CSMD1: variants seen among roughly 807,000 people sequenced by gnomAD.
CSMD1 encodes the protein CUB and Sushi multiple domains 1.
A neutral mutation model predicts 417.5 loss-of-function variants in CSMD1; 213 were observed. The ratio of observed to expected loss-of-function variants is 0.51; its 90% CI spans 0.46 to 0.57. CSMD1 has a LOEUF of 0.57. Among genes scored for constraint, CSMD1 ranks in the 20% least tolerant of loss-of-function variants. The pLI is 0.00. For missense variants in CSMD1, 6,923 were observed against 4,529.7 expected (o/e 1.53, Z -15.17); for synonymous variants, 2,862 against 1,736.8 (o/e 1.65, Z -16.11).
intron 7 of CSMD1, among the ~76,000 whole-genome samples, chr8:3,638,482 G>C (rs1218357248): frequency 6.6e-6 from 1 of 152,006 alleles, no homozygotes; most frequent in African/African-American, 2.4e-5. Context: ...GAAACCTGGA[G>C]ACGTGATGAT....
intron 1 of CSMD1, among the ~76,000 whole-genome samples, chr8:4,992,186 A>G (rs1045404355): frequency 1.3e-5 from 2 of 152,042 alleles, no homozygotes; most frequent in African/African-American, 4.8e-5. Flanking sequence ...AGAATCATCC[A>G]GAGCAGCCCC....
At chr8:4,162,503 T>A (rs55639812) in intron 3 of CSMD1, among the ~76,000 whole-genome samples, 57,929 of 152,060 alleles carry the variant, frequency 0.38, 11,280 homozygotes, top group Middle Eastern at 0.5. Flanking sequence ...TTGATCCTCA[T>A]AAATCTAACT....
At chr8:4,787,467 G>A (rs2117216801) in intron 1 of CSMD1, 1 of 812,346 alleles carries the variant, frequency 1.2e-6, no homozygotes, top group Non-Finnish European at 2.1e-6. Flanking sequence ...CACCTGGAAG[G>A]AAAAGCTGCA....
intron 7 of CSMD1, among the ~76,000 whole-genome samples, chr8:3,656,579 C>T (rs1798121951): frequency 6.6e-6 from 1 of 152,142 alleles, no homozygotes; most frequent in South Asian, 2.1e-4. Context: ...GAGGAGTTTT[C>T]TTACGAAGCC....
At chr8:4,198,762 G>T (rs1265527017) in intron 3 of CSMD1, among the ~76,000 whole-genome samples, 1 of 151,934 alleles carries the variant, frequency 6.6e-6, no homozygotes, top group Non-Finnish European at 1.5e-5. Context: ...TGTGAATTTT[G>T]AAATACTATT....
At chr8:3,920,882 T>A (rs60906250) in intron 5 of CSMD1, among the ~76,000 whole-genome samples, 3 of 152,176 alleles carry the variant, frequency 2.0e-5, no homozygotes, top group African/African-American at 7.2e-5. Context: ...GCTAGTGTTT[T>A]GTTGAGAATT....
At chr8:3,960,337 G>A (rs932228111) in intron 5 of CSMD1, among the ~76,000 whole-genome samples, 2 of 152,116 alleles carry the variant, frequency 1.3e-5, no homozygotes, top group African/African-American at 4.8e-5. Context: ...CTTTCCAAAT[G>A]TAATTGACAC....
At chr8:4,288,616 C>A (rs940261418) in intron 3 of CSMD1, among the ~76,000 whole-genome samples, 6 of 152,164 alleles carry the variant, frequency 3.9e-5, no homozygotes, top group Non-Finnish European at 7.3e-5. Context: ...CCACTGGGTT[C>A]AAGGTGAAGG....
intron 1 of CSMD1, among the ~76,000 whole-genome samples, chr8:4,967,866 G>A (rs1474234235): frequency 2.0e-5 from 3 of 152,154 alleles, no homozygotes; most frequent in Admixed American, 6.6e-5. Flanking sequence ...CAAGTCAAAG[G>A]ATGTGCTGAC....
chr8:3,500,050 C>T (rs1019185548), intron 10 of CSMD1, among the ~76,000 whole-genome samples: 1 of 152,012 alleles, frequency 6.6e-6, no homozygotes, highest in African/African-American at 2.4e-5. Flanking sequence ...GGGAGTGTGA[C>T]CTGCTGGGGA....
chr8:4,620,667 GA>G (rs1490155116), intron 2 of CSMD1, among the ~76,000 whole-genome samples: 1 of 151,680 alleles, frequency 6.6e-6, no homozygotes, highest in African/African-American at 2.4e-5. Context: ...TGCATAGGAC[GA>G]AGATAAAATC....
chr8:4,718,856 G>A (rs1808857832), intron 1 of CSMD1, among the ~76,000 whole-genome samples: 1 of 151,876 alleles, frequency 6.6e-6, no homozygotes, highest in East Asian at 1.9e-4. Flanking sequence ...TCCCTAAAAA[G>A]TACCAAAATG....
At chr8:3,420,176 A>C (rs1223843699) in intron 12 of CSMD1, among the ~76,000 whole-genome samples, 1 of 152,208 alleles carries the variant, frequency 6.6e-6, no homozygotes, top group Non-Finnish European at 1.5e-5. Flanking sequence ...TATTTGATAA[A>C]AGTCCTTAAA....
rs562304738 is a variant in CSMD1 at position 3,374,646 on chromosome 8, T to C, written c.2783-5276A>G. On this transcript the variant is annotated intron_variant, in intron 18 of 69. Transcript: ENST00000635120. ...AGGATGGTGAGTATGGAGTAAGTGA[T>C]ACAAGGTCGGAGGAAATGCAGAAGA... is the stretch of plus-strand genomic sequence containing the variant. Among the ~76,000 whole-genome samples the C allele has an allele frequency of 9.2e-5, 14 of 152,234 alleles. No individual in the cohort carries two copies. The South Asian group carries it at 1.7e-3, about 18-fold the overall frequency.
chr8:3,485,026 C>T (rs766969200), intron 11 of CSMD1, among the ~76,000 whole-genome samples: 2 of 152,162 alleles, frequency 1.3e-5, no homozygotes, highest in Admixed American at 6.5e-5. Context: ...ACTAAACATA[C>T]AACCAACATA....
At chr8:3,622,034 T>C (rs1265568595) in intron 7 of CSMD1, among the ~76,000 whole-genome samples, 1 of 151,866 alleles carries the variant, frequency 6.6e-6, no homozygotes, top group African/African-American at 2.4e-5. Flanking sequence ...TAGGTCTGTA[T>C]TTCTAACATT....
intron 3 of CSMD1, among the ~76,000 whole-genome samples, chr8:4,281,679 A>G (rs190302054): frequency 0.018 from 2,766 of 152,328 alleles, 46 homozygotes; most frequent in Non-Finnish European, 0.028. Context: ...TAACATCTGT[A>G]TGTGATAACA....
chr8:3,813,541 T>C (rs1801203197), intron 5 of CSMD1, among the ~76,000 whole-genome samples: 5 of 152,186 alleles, frequency 3.3e-5, no homozygotes, highest in South Asian at 2.1e-4. Flanking sequence ...TCTACTCTAA[T>C]ATAACACAAC....
At chr8:3,620,377 A>C (rs192243588) in intron 7 of CSMD1, among the ~76,000 whole-genome samples, 1 of 152,142 alleles carries the variant, frequency 6.6e-6, no homozygotes, top group African/African-American at 2.4e-5. Context: ...ATGAAAATAT[A>C]TATAAAAAAG....
Sources: allele counts gnomAD v4.1 joint callset (sites outside exome capture counted in the v4.1 genomes callset), GRCh38; gene constraint gnomAD v4.1.1; transcripts MANE v1.5; gene names NCBI Gene and HGNC (gene_info 2026-07-23, HGNC 2026-07-21).